Variants in PAK1 observed in about 807,000 individuals in gnomAD.
PAK1 encodes the protein p21 (RAC1) activated kinase 1.
In PAK1, 29 loss-of-function variants were observed where a neutral mutation model predicts 67.4. That is an observed-to-expected ratio of 0.43 (90% CI 0.32 to 0.59). The LOEUF (loss-of-function observed/expected upper bound fraction) is 0.59, where lower values mean the gene tolerates loss of function less well. Ranked by LOEUF, PAK1 falls within the 20% of genes least tolerant of loss-of-function variation. The probability of loss-of-function intolerance (pLI) is 0.07; values close to 1 mark genes in which losing one functional copy is unlikely to be tolerated. For missense variants in PAK1, 337 were observed against 670.7 expected (o/e 0.50, Z 5.50); for synonymous variants, 223 against 237.4 (o/e 0.94, Z 0.56).
chr11:77,398,075 G>C (rs978066225), intron 1 of PAK1, among the ~76,000 whole-genome samples: 4 of 152,236 alleles, frequency 2.6e-5, no homozygotes, highest in Admixed American at 2.6e-4. Context: ...ATGGAGAATG[G>C]GGTATCCATC....
chr11:77,477,356 C>A (rs1958070321), upstream of PAK1, among the ~76,000 whole-genome samples: 1 of 152,080 alleles, frequency 6.6e-6, no homozygotes, highest in African/African-American at 2.4e-5. Context: ...CATCATCAAA[C>A]TTCTAAATAA....
intron 10 of PAK1, among the ~76,000 whole-genome samples, chr11:77,341,611 A>G (rs961091520): frequency 1.3e-5 from 2 of 152,240 alleles, no homozygotes; most frequent in Non-Finnish European, 2.9e-5. Flanking sequence ...CTATTTGGTC[A>G]ATGTTTCCTT....
chr11:77,473,682 G>C lies in PAK1; in HGVS notation c.-152C>G, dbSNP rs1286585909. On this transcript the variant is annotated 5_prime_UTR_variant, in exon 1 of 15. Coordinates refer to ENST00000356341, the MANE Select transcript of PAK1 (RefSeq NM_002576.5). ...TTCTCCCTCCTGCCGCCGCCGCCGCGCTGCCCGTGGCGGGGCTCCCCTCAG... is the reference window on the plus strand; with the variant it reads ...TTCTCCCTCCTGCCGCCGCCGCCGCCCTGCCCGTGGCGGGGCTCCCCTCAG... 1.3e-5 allele frequency: 2 copies of C among 152,178 alleles called. No homozygotes were observed. The highest frequency in any genetic ancestry group is 2.4e-5 in the African/African-American group (1 of 41,288). The allele number at this position is 152,178 out of a possible 1,614,324, so 9.4% of individuals were successfully genotyped here. A position where few individuals can be genotyped will look rare whatever the true frequency, so the allele number is the denominator to read the frequency against.
intron 1 of PAK1, among the ~76,000 whole-genome samples, chr11:77,444,004 C>G (rs1384008622): frequency 2.0e-5 from 3 of 152,256 alleles, no homozygotes; most frequent in Non-Finnish European, 4.4e-5. Context: ...AGAGCAGTTT[C>G]AATTATCTCT....
intron 5 of PAK1, 92 bp downstream of exon 5, chr11:77,374,236 G>A: frequency 1.3e-6 from 1 of 776,662 alleles, no homozygotes; most frequent in Admixed American, 2.2e-5. Context: ...ACTAATATGA[G>A]TGCCTCCCAG....
chr11:77,497,051 T>G, the PAK1 span, among the ~76,000 whole-genome samples: 1 of 152,198 alleles, frequency 6.6e-6, no homozygotes, highest in Non-Finnish European at 1.5e-5. Flanking sequence ...AGGTCCATAC[T>G]CACTCCTGAA....
At chr11:77,349,948 T>C (rs1258063436) in intron 8 of PAK1, among the ~76,000 whole-genome samples, 1 of 152,300 alleles carries the variant, frequency 6.6e-6, no homozygotes, top group East Asian at 1.9e-4. Flanking sequence ...ATCTGGGTAC[T>C]GGTTACATAG....
intron 1 of PAK1, among the ~76,000 whole-genome samples, chr11:77,438,590 C>T (rs1956228417): frequency 6.6e-6 from 1 of 152,066 alleles, no homozygotes; most frequent in East Asian, 1.9e-4. Context: ...CTGTTGCTCC[C>T]AATAGAAATC....
chr11:77,461,334 G>T (rs1407021825), intron 1 of PAK1, among the ~76,000 whole-genome samples: 5 of 152,176 alleles, frequency 3.3e-5, no homozygotes, highest in African/African-American at 1.2e-4. Context: ...TGCTGGGAAG[G>T]TATTTTGCAG....
chr11:77,323,116 TG>T lies in PAK1; in HGVS notation c.*157del. The T allele has an allele frequency of 7.2e-7, 1 of 1,388,206 alleles. No individual in the cohort carries two copies. Among genetic ancestry groups the T allele is most frequent in the Non-Finnish European group, 1.0e-6 (1 of 1,004,228 alleles). 86.0% of individuals were successfully genotyped at this position (1,388,206 alleles called of 1,614,324 possible). A position where few individuals can be genotyped will look rare whatever the true frequency, so the allele number is the denominator to read the frequency against. Reference sequence around the variant, plus strand: ...ATTCAGTTGCAGTTCTCTTCAATGCTGGACACACGGTTTCCAAGGATCAAAG... The same window carrying T: ...ATTCAGTTGCAGTTCTCTTCAATGCTGACACACGGTTTCCAAGGATCAAAG... On this transcript the variant is annotated 3_prime_UTR_variant, in exon 15 of 15. Coordinates refer to ENST00000356341, the MANE Select transcript of PAK1 (RefSeq NM_002576.5).
the PAK1 span, among the ~76,000 whole-genome samples, chr11:77,501,874 A>T: frequency 6.6e-5 from 10 of 152,072 alleles, no homozygotes; most frequent in Admixed American, 5.9e-4. Flanking sequence ...AATTTTTGTC[A>T]TTTGCAATTG....
At chr11:77,527,821 C>G in the PAK1 span, among the ~76,000 whole-genome samples, 1 of 152,194 alleles carries the variant, frequency 6.6e-6, no homozygotes, top group South Asian at 2.1e-4. Flanking sequence ...TACTCTGCAT[C>G]ATTGTTTTAT....
At chr11:77,379,124 C>A in intron 4 of PAK1, 117 bp downstream of exon 4, 1 of 860,716 alleles carries the variant, frequency 1.2e-6, no homozygotes, top group Non-Finnish European at 1.7e-6. Context: ...CGTTAAAGTG[C>A]CACTTCCACT....
chr11:77,517,637 T>G, the PAK1 span, among the ~76,000 whole-genome samples: 1 of 152,220 alleles, frequency 6.6e-6, no homozygotes, highest in East Asian at 1.9e-4. Flanking sequence ...GGATGAAACC[T>G]GAAATATAAT....
chr11:77,337,458 G>A (rs906462533), intron 11 of PAK1, 35 bp from the exon 12 acceptor site: 1 of 1,097,378 alleles, frequency 9.1e-7, no homozygotes, highest in Non-Finnish European at 1.4e-6. Context: ...GAGAAAGAAA[G>A]GACATACATA....
chr11:77,477,942 C>T (rs1042757394), upstream of PAK1, among the ~76,000 whole-genome samples: 1 of 152,104 alleles, frequency 6.6e-6, no homozygotes, highest in Non-Finnish European at 1.5e-5. Flanking sequence ...CAAGTAAGAT[C>T]ATTATTTACC....
intron 1 of PAK1, among the ~76,000 whole-genome samples, chr11:77,405,713 A>ACC (rs1473511461): frequency 8.9e-5 from 12 of 134,764 alleles, no homozygotes; most frequent in Admixed American, 2.9e-4. Context: ...ACACACACAC[A>ACC]CCCTTCCCTT....
At chr11:77,355,514 A>C (rs908562798) in intron 7 of PAK1, among the ~76,000 whole-genome samples, 154 bp downstream of exon 7, 2 of 152,136 alleles carry the variant, frequency 1.3e-5, no homozygotes, top group African/African-American at 4.8e-5. Flanking sequence ...GAGACAGGGA[A>C]GGGAGGTTCA....
the PAK1 span, among the ~76,000 whole-genome samples, chr11:77,520,326 C>A: frequency 6.6e-6 from 1 of 152,016 alleles, no homozygotes; most frequent in Non-Finnish European, 1.5e-5. Context: ...AGGTCCCTGG[C>A]AAAAAGGGCC....
Sources: gnomAD v4.1 joint callset for allele counts (sites outside exome capture counted in the v4.1 genomes callset) on GRCh38, gnomAD v4.1.1 for gene constraint, MANE v1.5 for transcripts, NCBI Gene and HGNC (gene_info 2026-07-23, HGNC 2026-07-21) for gene names.